RPRD2: variants seen among roughly 807,000 people sequenced by gnomAD.
RPRD2 encodes the protein regulation of nuclear pre-mRNA domain containing 2.
In RPRD2, 12 loss-of-function variants were observed where a neutral mutation model predicts 104.4. The ratio of observed to expected loss-of-function variants is 0.11; its 90% CI spans 0.07 to 0.19. The LOEUF (loss-of-function observed/expected upper bound fraction) is 0.19, where lower values mean the gene tolerates loss of function less well. Ranked by LOEUF, RPRD2 falls within the 10% of genes least tolerant of loss-of-function variation. The pLI, the probability that RPRD2 is intolerant of heterozygous loss-of-function variation, is 1.00. For missense variants in RPRD2, 1,543 were observed against 1,790.1 expected, an observed-to-expected ratio of 0.86 and a Z score of 2.49; for synonymous variants, 714 against 684.9, an observed-to-expected ratio of 1.04 and a Z score of -0.66.
chr1:150,436,559 A>G (rs1355431869), intron 2 of RPRD2, among the ~76,000 whole-genome samples: 1 of 151,342 alleles, frequency 6.6e-6, no homozygotes, highest in Non-Finnish European at 1.5e-5. Flanking sequence ...CAAGATCGCC[A>G]CTGCACTCCA....
rs1319233386 is a variant in RPRD2 at position 150,474,627 on chromosome 1, C to G, written c.*1293C>G. The G allele has an allele frequency of 6.6e-6, 1 of 152,128 alleles. No individual in the cohort carries two copies. Among genetic ancestry groups the G allele is most frequent in the Non-Finnish European group, 1.5e-5 (1 of 68,026 alleles). The allele number at this position is 152,128 out of a possible 1,614,324, so 9.4% of individuals were successfully genotyped here. A position where few individuals can be genotyped will look rare whatever the true frequency, so the allele number is the denominator to read the frequency against. ...ATCTAGTACTTGGGAAATAGACAATCACTGTACTTTGAGTGTTTATATCTT... is the reference window on the plus strand; with the variant it reads ...ATCTAGTACTTGGGAAATAGACAATGACTGTACTTTGAGTGTTTATATCTT... On this transcript the variant is annotated 3_prime_UTR_variant, in exon 11 of 11. Coordinates refer to ENST00000369068, the MANE Select transcript of RPRD2 (RefSeq NM_015203.5).
At chr1:150,464,124 C>G (rs1475525746) in intron 9 of RPRD2, among the ~76,000 whole-genome samples, 1 of 152,104 alleles carries the variant, frequency 6.6e-6, no homozygotes, top group Non-Finnish European at 1.5e-5. Flanking sequence ...ATTCTCCTGC[C>G]TCAGCCTCCC....
At chr1:150,440,025 G>A (rs1397619352) in intron 2 of RPRD2, among the ~76,000 whole-genome samples, 1 of 151,346 alleles carries the variant, frequency 6.6e-6, no homozygotes, top group South Asian at 2.1e-4. Flanking sequence ...TTGCAGTGTT[G>A]TGATCACCAG....
intron 2 of RPRD2, among the ~76,000 whole-genome samples, chr1:150,440,515 G>A (rs78541868): frequency 6.6e-6 from 1 of 152,142 alleles, no homozygotes; most frequent in Non-Finnish European, 1.5e-5. Flanking sequence ...GTTACAGTAT[G>A]TGATTGGTTC....
rs587706594 is a variant in RPRD2, at chr1:150,415,617, G to T, written c.206-1979G>T. ...GGGAGGATCACCTGAGCCCAAGGAG[G>T]CTGCAGTGAACTGTGATCGCACCAC... is the stretch of plus-strand genomic sequence containing the variant. On this transcript the variant is annotated intron_variant, in intron 1 of 10. Transcript: ENST00000369068. Among the ~76,000 whole-genome samples the T allele has an allele frequency of 5.9e-5, 9 of 152,208 alleles. No individual in the cohort carries two copies. In the South Asian group the frequency reaches 1.9e-3, roughly 32 times the overall value.
intron 1 of RPRD2, among the ~76,000 whole-genome samples, chr1:150,394,874 C>T (rs1267677294): frequency 6.6e-6 from 1 of 152,108 alleles, no homozygotes; most frequent in Non-Finnish European, 1.5e-5. Context: ...AGCCACAGCG[C>T]CTGGCCACAA....
At chr1:150,366,674 G>C (rs1659867136) in intron 1 of RPRD2, among the ~76,000 whole-genome samples, 1 of 152,190 alleles carries the variant, frequency 6.6e-6, no homozygotes, top group South Asian at 2.1e-4. Flanking sequence ...TCAGTAAAAT[G>C]GTGGGGTTAG....
At chr1:150,377,847 TATAG>T (rs1442704709) in intron 1 of RPRD2, among the ~76,000 whole-genome samples, 3 of 152,062 alleles carry the variant, frequency 2.0e-5, no homozygotes, top group South Asian at 2.1e-4. Flanking sequence ...ATTTATAAAA[TATAG>T]ATGTGTAACA....
At chr1:150,398,127 C>G (rs1662673988) in intron 1 of RPRD2, among the ~76,000 whole-genome samples, 1 of 148,234 alleles carries the variant, frequency 6.7e-6, no homozygotes. Context: ...CACCCCCACC[C>G]CGCAGTAGCT....
chr1:150,418,509 C>T (rs1381190615), intron 2 of RPRD2, among the ~76,000 whole-genome samples: 10 of 152,148 alleles, frequency 6.6e-5, no homozygotes, highest in African/African-American at 2.2e-4. Context: ...ATACTCCCAA[C>T]TCCATGTTGA....
intron 2 of RPRD2, among the ~76,000 whole-genome samples, chr1:150,431,473 A>ATTTTGTTTTTTTTTTTTTTTTTTTT (rs1665569414): frequency 1.3e-5 from 1 of 78,850 alleles, no homozygotes; most frequent in Non-Finnish European, 2.4e-5. Context: ...AAAAGGAAGG[A>ATTTTGTTTTTTTTTTTTTTTTTTTT]TTTTTTTTTT....
Position 150,476,092 on chromosome 1 carries a change from T to G in RPRD2, c.*2758T>G, listed in dbSNP as rs1459163848. ...GAGTTTACTCTTCAGTCAGCTTAGATGAGAGCTCTCTCCCTGCTCCCCTCT... is the reference window on the plus strand; with the variant it reads ...GAGTTTACTCTTCAGTCAGCTTAGAGGAGAGCTCTCTCCCTGCTCCCCTCT... On this transcript the variant is annotated 3_prime_UTR_variant, in exon 11 of 11. Transcript: ENST00000369068. The G allele has an allele frequency of 6.6e-6, 1 of 152,150 alleles. No homozygotes were observed. Among genetic ancestry groups the G allele is most frequent in the Non-Finnish European group, 1.5e-5 (1 of 68,038 alleles). 9.4% of individuals were successfully genotyped at this position (152,150 alleles called of 1,614,324 possible).
chr1:150,404,093 T>C (rs1166442411), intron 1 of RPRD2, among the ~76,000 whole-genome samples: 1 of 152,178 alleles, frequency 6.6e-6, no homozygotes, highest in Non-Finnish European at 1.5e-5. Context: ...CCAGGAGAAG[T>C]AGAAAACCTG....
intron 1 of RPRD2, among the ~76,000 whole-genome samples, chr1:150,388,643 C>T (rs1173202906): frequency 2.7e-5 from 4 of 145,988 alleles, no homozygotes; most frequent in African/African-American, 1.0e-4. Context: ...GAGATGGAGT[C>T]TCACTCTGTC....
chr1:150,446,088 A>C, intron 6 of RPRD2, 138 bp from the exon 7 acceptor site: 1 of 516,772 alleles, frequency 1.9e-6, no homozygotes, highest in South Asian at 4.0e-5. Context: ...AAAAAGAAAG[A>C]AACTAAGAGT....
At chr1:150,381,755 T>C (rs782683849) in intron 1 of RPRD2, among the ~76,000 whole-genome samples, 7 of 152,082 alleles carry the variant, frequency 4.6e-5, no homozygotes, top group Admixed American at 6.6e-5. Flanking sequence ...CCGCCCGCCT[T>C]AGCCTCCCAA....
At position 150,417,736 on chromosome 1, in the gene RPRD2, C is replaced by T. The variant is rs1321616485; in HGVS notation, c.335+11C>T. On this transcript the variant is annotated intron_variant, in intron 2 of 10. Transcript: ENST00000369068. Reference sequence around the variant, plus strand: ...AGCTGCTCTAGTGAAGTAAGTAAATCTTTATTGCTCTATGGGATCTAAACT... The same window carrying T: ...AGCTGCTCTAGTGAAGTAAGTAAATTTTTATTGCTCTATGGGATCTAAACT... 3 of 1,579,428 alleles carry T rather than the reference C, an allele frequency of 1.9e-6. No individual in the cohort carries two copies. The African/African-American group carries it at 4.0e-5, about 21-fold the overall frequency.
intron 2 of RPRD2, among the ~76,000 whole-genome samples, chr1:150,418,538 G>A (rs1486980597): frequency 6.6e-6 from 1 of 152,048 alleles, no homozygotes; most frequent in Non-Finnish European, 1.5e-5. Flanking sequence ...CATTTTTAGC[G>A]GTAGTTGGAT....
chr1:150,376,608 C>A (rs1417269022), intron 1 of RPRD2, among the ~76,000 whole-genome samples: 1 of 151,510 alleles, frequency 6.6e-6, no homozygotes, highest in African/African-American at 2.4e-5. Flanking sequence ...TCACGCCATT[C>A]TCTCGCCTCA....
Sources: gnomAD v4.1 joint callset for allele counts (sites outside exome capture counted in the v4.1 genomes callset) on GRCh38, gnomAD v4.1.1 for gene constraint, MANE v1.5 for transcripts, NCBI Gene and HGNC (gene_info 2026-07-23, HGNC 2026-07-21) for gene names.